The following AKAP6 variants were observed in gnomAD, a reference collection of about 807,000 sequenced individuals.
AKAP6 encodes the protein A-kinase anchoring protein 6.
In AKAP6, 58 loss-of-function variants were observed where a neutral mutation model predicts 188.5. The ratio of observed to expected loss-of-function variants is 0.31; its 90% CI spans 0.25 to 0.38. The LOEUF (loss-of-function observed/expected upper bound fraction) is 0.38. Ranked by LOEUF, AKAP6 falls within the 10% of genes least tolerant of loss-of-function variation. The pLI is 1.00. For missense variants in AKAP6, 2,710 were observed against 2,740.0 expected, an observed-to-expected ratio of 0.99 and a Z score of 0.24; for synonymous variants, 989 against 998.6, an observed-to-expected ratio of 0.99 and a Z score of 0.18.
At chr14:32,527,534 C>T (rs68046405) in intron 2 of AKAP6, among the ~76,000 whole-genome samples, 30,390 of 152,160 alleles carry the variant, frequency 0.2, 3,786 homozygotes, top group East Asian at 0.35. Flanking sequence ...TAAGAAACCA[C>T]CAAACTGCAT....
intron 12 of AKAP6, among the ~76,000 whole-genome samples, chr14:32,795,952 A>G (rs2033756309): frequency 6.6e-6 from 1 of 152,222 alleles, no homozygotes; most frequent in Non-Finnish European, 1.5e-5. Context: ...TACAAAATCA[A>G]TTTGCAAAAA....
intron 1 of AKAP6, among the ~76,000 whole-genome samples, chr14:32,410,599 A>G (rs1889449678): frequency 6.6e-6 from 1 of 152,222 alleles, no homozygotes; most frequent in East Asian, 1.9e-4. Context: ...CTCTTCAAAT[A>G]TTTTATAGAG....
At chr14:32,437,722 A>C (rs1890432861) in intron 2 of AKAP6, among the ~76,000 whole-genome samples, 1 of 151,930 alleles carries the variant, frequency 6.6e-6, no homozygotes, top group Non-Finnish European at 1.5e-5. Context: ...TCAGCCTCCC[A>C]AGTAGCTGAG....
chr14:32,543,350 T>C (rs78366435), intron 3 of AKAP6, among the ~76,000 whole-genome samples: 8,656 of 152,320 alleles, frequency 0.057, 264 homozygotes, highest in African/African-American at 0.078. Context: ...TTCAAGCTCA[T>C]ACATGTTGTC....
intron 1 of AKAP6, among the ~76,000 whole-genome samples, chr14:32,409,734 A>G (rs1889419438): frequency 6.6e-6 from 1 of 152,244 alleles, no homozygotes; most frequent in Non-Finnish European, 1.5e-5. Flanking sequence ...TAAAACTTGT[A>G]AACAATGTGA....
At chr14:32,611,186 A>G (rs1056354942) in intron 7 of AKAP6, among the ~76,000 whole-genome samples, 1 of 152,200 alleles carries the variant, frequency 6.6e-6, no homozygotes, top group Admixed American at 6.5e-5. Flanking sequence ...AAAGGAATTG[A>G]GCATGAGCAG....
At chr14:32,671,711 G>A (rs902974316) in intron 7 of AKAP6, among the ~76,000 whole-genome samples, 4 of 151,998 alleles carry the variant, frequency 2.6e-5, no homozygotes, top group Non-Finnish European at 5.9e-5. Flanking sequence ...AGCAGAGGAC[G>A]TGCACCCAGA....
intron 2 of AKAP6, among the ~76,000 whole-genome samples, chr14:32,503,055 A>G (rs765339205): frequency 6.6e-6 from 1 of 152,168 alleles, no homozygotes; most frequent in Non-Finnish European, 1.5e-5. Flanking sequence ...CCGTCCAACC[A>G]GGAATACTTA....
intron 9 of AKAP6, among the ~76,000 whole-genome samples, chr14:32,730,291 A>G (rs1376581892): frequency 1.3e-5 from 2 of 152,182 alleles, no homozygotes; most frequent in African/African-American, 4.8e-5. Flanking sequence ...TCTTAAATCA[A>G]GCTGTTTAGA....
intron 1 of AKAP6, among the ~76,000 whole-genome samples, chr14:32,332,309 G>A (rs573743642): frequency 9.9e-5 from 15 of 152,008 alleles, no homozygotes; most frequent in African/African-American, 3.1e-4. Context: ...TCTATCACAC[G>A]TACCCCACCC....
rs748212166 is a variant in AKAP6, at chr14:32,822,699, G to A, written c.4886G>A (p.Ser1629Asn). The change falls in exon 13 of 14, where the codon AGT (serine) becomes AAT (asparagine). Residue 1629 changes from serine to asparagine, a missense_variant. By Grantham distance (46) the Ser-to-Asn change is conservative (BLOSUM62 1). This residue lies in a region of AKAP6 where 2,473 missense variants were observed against 2,426.1 expected (regional missense o/e 1.02). Transcript: ENST00000280979. ...AGCAGTGGCTCAGTTGGTGAACTAA[G>A]TAAAAGAACATTAGATCTCCTGAAT... ...SVSSGSVGEL[S>N]KRTLDLLNRL... The A allele has an allele frequency of 6.2e-7, 1 of 1,613,994 alleles. No individual in the cohort carries two copies.
chr14:32,820,845 C>T (rs547201374), intron 12 of AKAP6, among the ~76,000 whole-genome samples: 5 of 152,114 alleles, frequency 3.3e-5, no homozygotes, highest in Admixed American at 2.6e-4. Flanking sequence ...GGGGGGTACA[C>T]AGTCATGTGC....
intron 1 of AKAP6, among the ~76,000 whole-genome samples, chr14:32,348,251 A>C (rs1887133245): frequency 6.6e-6 from 1 of 152,200 alleles, no homozygotes; most frequent in African/African-American, 2.4e-5. Context: ...AGAAGAATGT[A>C]GGTTTTAGGA....
chr14:32,648,886 C>A (rs542988328), intron 7 of AKAP6, among the ~76,000 whole-genome samples: 2 of 152,152 alleles, frequency 1.3e-5, no homozygotes, highest in South Asian at 2.1e-4. Context: ...TAAAAAGTTT[C>A]TTTTACCAAA....
chr14:32,618,746 C>T (rs551897638), intron 7 of AKAP6, among the ~76,000 whole-genome samples: 7 of 152,152 alleles, frequency 4.6e-5, no homozygotes, highest in Admixed American at 2.0e-4. Flanking sequence ...GATAGATCTA[C>T]TTTTAGTTCT....
At chr14:32,626,279 C>G (rs1039508432) in intron 7 of AKAP6, among the ~76,000 whole-genome samples, 1 of 152,000 alleles carries the variant, frequency 6.6e-6, no homozygotes, top group African/African-American at 2.4e-5. Flanking sequence ...CATTGTCTAC[C>G]CCAACCCCAG....
At chr14:32,624,168 T>G (rs952050325) in intron 7 of AKAP6, among the ~76,000 whole-genome samples, 1 of 152,116 alleles carries the variant, frequency 6.6e-6, no homozygotes, top group African/African-American at 2.4e-5. Flanking sequence ...AGTCTTTGGA[T>G]TTTTGAGTCA....
chr14:32,761,448 T>C (rs1381338722), intron 11 of AKAP6, among the ~76,000 whole-genome samples: 2 of 152,252 alleles, frequency 1.3e-5, no homozygotes, highest in East Asian at 3.9e-4. Flanking sequence ...AAGAATATAT[T>C]AGCTAAAAAT....
At chr14:32,643,549 G>T (rs999923144) in intron 7 of AKAP6, among the ~76,000 whole-genome samples, 2 of 151,918 alleles carry the variant, frequency 1.3e-5, no homozygotes, top group Non-Finnish European at 2.9e-5. Context: ...CTTGTGATCT[G>T]CCCGCCTCGG....
Sources: gnomAD v4.1 joint callset for allele counts (sites outside exome capture counted in the v4.1 genomes callset) on GRCh38, gnomAD v4.1.1 for gene constraint, gnomAD v4.1.1 regional missense constraint, MANE v1.5 for transcripts, NCBI Gene and HGNC (gene_info 2026-07-23, HGNC 2026-07-21) for gene names.